The following MARCHF1 variants were observed in gnomAD, a reference collection of about 807,000 sequenced individuals.
MARCHF1 encodes the protein E3 ubiquitin-protein ligase MARCHF1.
A neutral mutation model predicts 54.2 loss-of-function variants in MARCHF1; 40 were observed. The observed-to-expected ratio is 0.74, with a 90% confidence interval of 0.57 to 0.96. The LOEUF is 0.96. Ranked by LOEUF, MARCHF1 falls within the 40% of genes least tolerant of loss-of-function variation. The pLI, the probability that MARCHF1 is intolerant of heterozygous loss-of-function variation, is 0.00. For missense variants in MARCHF1, 586 were observed against 656.5 expected (o/e 0.89, Z 1.17); for synonymous variants, 236 against 236.3 (o/e 1.00, Z 0.01).
At chr4:164,009,556 C>T (rs891339370) in intron 2 of MARCHF1, among the ~76,000 whole-genome samples, 2 of 152,046 alleles carry the variant, frequency 1.3e-5, no homozygotes, top group African/African-American at 2.4e-5. Context: ...AAAATACTAC[C>T]AAACTGAAAT....
intron 4 of MARCHF1, among the ~76,000 whole-genome samples, chr4:163,741,582 C>A (rs866895811): frequency 2.1e-3 from 260 of 126,366 alleles, no homozygotes; most frequent in African/African-American, 2.0e-3. Flanking sequence ...GACTCTGTCT[C>A]AAAAAAAAAA....
At chr4:163,852,367 T>C (rs1018636050) in intron 4 of MARCHF1, among the ~76,000 whole-genome samples, 1 of 152,176 alleles carries the variant, frequency 6.6e-6, no homozygotes, top group African/African-American at 2.4e-5. Context: ...TTCCATGAGA[T>C]AGGAGTTAAG....
At chr4:163,853,469 G>T (rs541252373) in intron 4 of MARCHF1, among the ~76,000 whole-genome samples, 35 of 152,256 alleles carry the variant, frequency 2.3e-4, no homozygotes, top group Non-Finnish European at 3.7e-4. Context: ...GCTAGTTAAA[G>T]CTCAGCATTT....
intron 5 of MARCHF1, among the ~76,000 whole-genome samples, chr4:163,664,103 A>C (rs1743443989): frequency 6.6e-6 from 1 of 152,146 alleles, no homozygotes; most frequent in Non-Finnish European, 1.5e-5. Context: ...GGCACTTTCA[A>C]TGCTGTAAAA....
At chr4:163,708,099 C>T (rs376095184) in intron 4 of MARCHF1, among the ~76,000 whole-genome samples, 3 of 151,526 alleles carry the variant, frequency 2.0e-5, no homozygotes, top group East Asian at 3.9e-4. Flanking sequence ...GTTGCAATCC[C>T]CCCCTGTAGC....
intron 3 of MARCHF1, among the ~76,000 whole-genome samples, chr4:163,958,839 C>G (rs965101942): frequency 2.0e-5 from 3 of 151,634 alleles, no homozygotes; most frequent in Admixed American, 1.3e-4. Context: ...TTTATTTTGA[C>G]CAATAGAAAA....
chr4:164,285,391 G>A (rs1358355140), intron 1 of MARCHF1, among the ~76,000 whole-genome samples: 3 of 151,804 alleles, frequency 2.0e-5, no homozygotes, highest in Non-Finnish European at 4.4e-5. Flanking sequence ...GGGCAACATA[G>A]GAAGACCCCA....
intron 2 of MARCHF1, among the ~76,000 whole-genome samples, chr4:164,012,845 G>A (rs980118501): frequency 2.6e-5 from 4 of 152,110 alleles, no homozygotes; most frequent in South Asian, 4.2e-4. Context: ...CCCCTAGTGC[G>A]AAACAGTTGC....
At chr4:164,328,227 G>A (rs1435805776) in intron 1 of MARCHF1, among the ~76,000 whole-genome samples, 2 of 152,030 alleles carry the variant, frequency 1.3e-5, no homozygotes, top group South Asian at 4.1e-4. Flanking sequence ...CATCAAATTA[G>A]GTGCGTTCTG....
chr4:164,027,574 C>T (rs1181958197), intron 2 of MARCHF1, among the ~76,000 whole-genome samples: 5 of 151,854 alleles, frequency 3.3e-5, no homozygotes, highest in African/African-American at 7.3e-5. Context: ...TGTACCCCTA[C>T]ATTTTACCAT....
At chr4:164,070,638 T>C (rs992799546) in intron 2 of MARCHF1, among the ~76,000 whole-genome samples, 6 of 152,210 alleles carry the variant, frequency 3.9e-5, no homozygotes, top group Admixed American at 1.3e-4. Flanking sequence ...GCTCAACCTA[T>C]AATTCTATAG....
At chr4:163,669,306 G>A (rs544006575) in intron 5 of MARCHF1, among the ~76,000 whole-genome samples, 1 of 152,198 alleles carries the variant, frequency 6.6e-6, no homozygotes, top group Non-Finnish European at 1.5e-5. Context: ...GAGAATTTAG[G>A]CTTGCTCATG....
intron 1 of MARCHF1, among the ~76,000 whole-genome samples, chr4:164,126,259 A>G (rs980334431): frequency 2.0e-5 from 3 of 152,164 alleles, no homozygotes; most frequent in South Asian, 2.1e-4. Flanking sequence ...TAATGATGTT[A>G]TAAAATAGAC....
At chr4:163,944,943 C>T (rs1238191072) in intron 3 of MARCHF1, among the ~76,000 whole-genome samples, 3 of 152,044 alleles carry the variant, frequency 2.0e-5, no homozygotes, top group Non-Finnish European at 4.4e-5. Flanking sequence ...TTCCTAGGAC[C>T]TAAGAACTTC....
intron 1 of MARCHF1, among the ~76,000 whole-genome samples, chr4:164,304,083 T>C (rs1734635114): frequency 6.6e-6 from 1 of 152,156 alleles, no homozygotes; most frequent in Admixed American, 6.5e-5. Context: ...AATTAATCCT[T>C]AAAGATTGGA....
At chr4:164,264,532 T>A (rs182328560) in intron 1 of MARCHF1, among the ~76,000 whole-genome samples, 223 of 151,990 alleles carry the variant, frequency 1.5e-3, no homozygotes, top group South Asian at 3.7e-3. Flanking sequence ...CCTGGTAATA[T>A]GTAATATGAA....
At chr4:163,692,965 T>C (rs1366642493) in intron 5 of MARCHF1, among the ~76,000 whole-genome samples, 1 of 151,536 alleles carries the variant, frequency 6.6e-6, no homozygotes, top group Non-Finnish European at 1.5e-5. Flanking sequence ...GTCATAAATG[T>C]GGATCAAAAG....
At chr4:163,993,932 T>C (rs1753014348) in intron 2 of MARCHF1, among the ~76,000 whole-genome samples, 2 of 152,094 alleles carry the variant, frequency 1.3e-5, no homozygotes, top group Admixed American at 1.3e-4. Context: ...ACATATGGAA[T>C]GAAAATTTTA....
chr4:163,721,672 T>C (rs1249681715), intron 4 of MARCHF1, among the ~76,000 whole-genome samples: 1 of 152,080 alleles, frequency 6.6e-6, no homozygotes, highest in Non-Finnish European at 1.5e-5. Context: ...ACTTTCTTTG[T>C]TTGGTAGGCT....
Sources: allele counts gnomAD v4.1 joint callset (sites outside exome capture counted in the v4.1 genomes callset), GRCh38; gene constraint gnomAD v4.1.1; transcripts MANE v1.5; gene names NCBI Gene and HGNC (gene_info 2026-07-23, HGNC 2026-07-21).